Variants in REPS2 observed in about 807,000 individuals in gnomAD.
REPS2 encodes the protein ralBP1-associated Eps domain-containing protein 2.
Under a neutral mutation model 53.6 loss-of-function variants are expected in REPS2, and 23 were observed. That is an observed-to-expected ratio of 0.43 (90% CI 0.31 to 0.61). REPS2 has a LOEUF of 0.61. REPS2 is among the 20% of genes least tolerant of loss of function. The pLI is 0.11. For missense variants in REPS2, 446 were observed against 534.9 expected, an observed-to-expected ratio of 0.83 and a Z score of 1.64; for synonymous variants, 238 against 218.6, an observed-to-expected ratio of 1.09 and a Z score of -0.78.
At chrX:17,134,013 G>A (rs989398445) in intron 15 of REPS2, 106 bp downstream of exon 15, 1 of 580,500 alleles carries the variant, frequency 1.7e-6, no homozygotes, top group Admixed American at 2.8e-5. Flanking sequence ...GTCCTGAAAT[G>A]AATGTCAATG....
intron 13 of REPS2, chrX:17,100,131 G>A: frequency 3.8e-6 from 3 of 780,877 alleles, no homozygotes; most frequent in Non-Finnish European, 5.9e-6. Context: ...AAACTCATGA[G>A]GTCAGGGCAA....
intron 2 of REPS2, among the ~76,000 whole-genome samples, chrX:17,012,140 G>A (rs2061437116): frequency 9.1e-6 from 1 of 110,291 alleles, no homozygotes; most frequent in Admixed American, 9.7e-5. Context: ...AGCACTTTGG[G>A]AGGCCGAGGA....
intron 1 of REPS2, among the ~76,000 whole-genome samples, chrX:16,957,131 C>T (rs188080605): frequency 8.9e-6 from 1 of 111,960 alleles, no homozygotes; most frequent in Non-Finnish European, 1.9e-5. Context: ...TGTTTTTGGC[C>T]AAGTGTGGTG....
intron 12 of REPS2, among the ~76,000 whole-genome samples, chrX:17,076,230 C>G (rs1198476536): frequency 1.8e-5 from 2 of 112,132 alleles, no homozygotes; most frequent in Non-Finnish European, 3.8e-5. Flanking sequence ...ATAAATGCCA[C>G]TCTAATAGCT....
At chrX:17,113,091 C>CAA (rs10567369) in intron 14 of REPS2, among the ~76,000 whole-genome samples, 21 of 13,554 alleles carry the variant, frequency 1.5e-3, no homozygotes, top group South Asian at 7.1e-3. Context: ...GACTCTGTCT[C>CAA]AAAAAAAAAA....
intron 14 of REPS2, among the ~76,000 whole-genome samples, chrX:17,108,094 G>C (rs2062899132): frequency 9.1e-6 from 1 of 110,002 alleles, no homozygotes; most frequent in African/African-American, 3.3e-5. Context: ...CAGTGTTAAA[G>C]TGAGAGTTAA....
At chrX:17,063,739 G>A (rs748485899) in intron 9 of REPS2, among the ~76,000 whole-genome samples, 2 of 111,194 alleles carry the variant, frequency 1.8e-5, no homozygotes, top group African/African-American at 6.5e-5. Context: ...TTTACTTTGG[G>A]GCTTCTAGCA....
chrX:16,953,044 C>G (rs754035415), intron 1 of REPS2, among the ~76,000 whole-genome samples: 3 of 109,920 alleles, frequency 2.7e-5, no homozygotes, highest in East Asian at 2.8e-4. Context: ...CCATTGCACT[C>G]CAGCCTGGGA....
intron 13 of REPS2, among the ~76,000 whole-genome samples, chrX:17,092,007 C>G (rs905408589): frequency 1.8e-5 from 2 of 111,532 alleles, no homozygotes; most frequent in Non-Finnish European, 3.8e-5. Context: ...GTTTTTCCCC[C>G]CTTTGGTATT....
At chrX:17,112,679 A>G (rs1603051052) in intron 14 of REPS2, among the ~76,000 whole-genome samples, 1 of 111,838 alleles carries the variant, frequency 8.9e-6, no homozygotes. Flanking sequence ...AAACAAAATC[A>G]TATCAAAACC....
intron 13 of REPS2, among the ~76,000 whole-genome samples, chrX:17,081,097 A>G (rs1340071998): frequency 8.9e-6 from 1 of 112,012 alleles, no homozygotes; most frequent in Non-Finnish European, 1.9e-5. Context: ...AAGAGGGGAA[A>G]ATAATGTGAG....
the REPS2 span, among the ~76,000 whole-genome samples, chrX:17,196,524 A>T: frequency 1.8e-5 from 2 of 111,936 alleles, no homozygotes; most frequent in South Asian, 7.6e-4. Flanking sequence ...TCATGTGAGG[A>T]CACATCAAGA....
intron 1 of REPS2, among the ~76,000 whole-genome samples, chrX:16,986,340 T>C (rs1456366235): frequency 8.9e-6 from 1 of 112,056 alleles, no homozygotes. Context: ...TCCTCTGCTC[T>C]GTCAAGATTT....
At chrX:17,006,406 T>C in intron 2 of REPS2, 62 bp downstream of exon 2, 2 of 1,064,920 alleles carry the variant, frequency 1.9e-6, no homozygotes, top group Non-Finnish European at 2.5e-6. Flanking sequence ...ATGAGAACCA[T>C]TTTTAATGAG....
chrX:16,976,615 A>G (rs1425169378), intron 1 of REPS2, among the ~76,000 whole-genome samples: 1 of 111,667 alleles, frequency 9.0e-6, no homozygotes, highest in Non-Finnish European at 1.9e-5. Context: ...GTGCTTTGAG[A>G]CAAAACTATA....
In REPS2 at chrX:16,982,215, T is replaced by C. The variant is rs1053584873; in HGVS notation, c.274-24006T>C. Among the ~76,000 whole-genome samples the C allele has an allele frequency of 1.8e-4, 20 of 112,455 alleles. No homozygotes were observed. The Admixed American group carries it at 1.8e-3, about 10-fold the overall frequency. On this transcript the variant is annotated intron_variant, in intron 1 of 17. Transcript: ENST00000357277. ...ATACCAGATTTTGTTTATCCATTCA[T>C]CTGTTGATGGACATTTGAGTTGTTT...
intron 13 of REPS2, among the ~76,000 whole-genome samples, chrX:17,092,358 C>G (rs1372409383): frequency 1.8e-5 from 2 of 111,456 alleles, no homozygotes; most frequent in Non-Finnish European, 3.8e-5. Flanking sequence ...AAGCAGAGAT[C>G]CAATAAATCA....
At chrX:17,195,017 T>C in the REPS2 span, among the ~76,000 whole-genome samples, 1 of 112,463 alleles carries the variant, frequency 8.9e-6, no homozygotes, top group African/African-American at 3.2e-5. Flanking sequence ...CACTGCCTTA[T>C]TAAATCTATT....
At chrX:17,174,369 C>T in the REPS2 span, among the ~76,000 whole-genome samples, 1 of 112,082 alleles carries the variant, frequency 8.9e-6, no homozygotes, top group Non-Finnish European at 1.9e-5. Context: ...AGTGGAATCA[C>T]CTGGGGAGCT....
Sources: allele counts gnomAD v4.1 joint callset (sites outside exome capture counted in the v4.1 genomes callset), GRCh38; gene constraint gnomAD v4.1.1; transcripts MANE v1.5; gene names NCBI Gene and HGNC (gene_info 2026-07-23, HGNC 2026-07-21).